The following ZNF568 variants were observed in gnomAD, a reference collection of about 807,000 sequenced individuals.
The protein encoded by ZNF568 is p53 inhibitor of SCO2 activation.
In ZNF568, 11 loss-of-function variants were observed where a neutral mutation model predicts 18.1. The observed-to-expected ratio is 0.61, with a 90% confidence interval of 0.38 to 1.00. ZNF568 has a LOEUF of 1.00. ZNF568 is among the 50% of genes least tolerant of loss of function. The pLI is 0.01. For synonymous variants in ZNF568, 213 were observed against 246.6 expected (o/e 0.86, Z 1.28); for missense variants, 639 against 768.2 (o/e 0.83, Z 1.99).
chr19:36,976,184 A>G (rs533659510), intron 7 of ZNF568: 3 of 152,260 alleles, frequency 2.0e-5, no homozygotes, highest in Admixed American at 6.5e-5. Flanking sequence ...GATGGTCACT[A>G]TTAATGTTTT....
chr19:36,983,576 C>G (rs1403468841), downstream of ZNF568, among the ~76,000 whole-genome samples: 1 of 152,064 alleles, frequency 6.6e-6, no homozygotes, highest in African/African-American at 2.4e-5. Flanking sequence ...GTGCATTGTT[C>G]TATATGCAGC....
At position 36,950,989 on chromosome 19, in the gene ZNF568, A is replaced by G. The variant is rs759019303; in HGVS notation, c.1836A>G (p.Lys612=). ...IIHMRSHTGE[K]PFECNECGKA... is the part of the protein sequence containing the mutation. ...ATATGAGAAGTCATACTGGTGAGAAACCCTTTGAATGTAATGAATGTGGGA... is the reference window on the plus strand; with the variant it reads ...ATATGAGAAGTCATACTGGTGAGAAGCCCTTTGAATGTAATGAATGTGGGA... The change falls in exon 7 of 7, where the codon AAA becomes AAG. Residue 612 remains lysine (K), a synonymous_variant. Coordinates refer to ENST00000333987, the MANE Select transcript of ZNF568 (RefSeq NM_198539.4). 43 of 1,613,450 alleles carry G rather than the reference A, an allele frequency of 2.7e-5. No individual in the cohort carries two copies. The highest frequency in any genetic ancestry group is 3.6e-5 in the Non-Finnish European group (42 of 1,179,820).
At chr19:36,968,858 GTTC>G (rs2074214813) in intron 6 of ZNF568, among the ~76,000 whole-genome samples, 1 of 133,004 alleles carries the variant, frequency 7.5e-6, no homozygotes, top group Non-Finnish European at 1.6e-5. Context: ...GCATGAATGA[GTTC>G]TTTTTTTTTT....
chr19:36,918,154 G>T (rs1468888671), intron 2 of ZNF568, among the ~76,000 whole-genome samples: 2 of 152,102 alleles, frequency 1.3e-5, no homozygotes, highest in African/African-American at 4.8e-5. Flanking sequence ...CACCATGTTA[G>T]CCACCATGGT....
At position 36,950,459 on chromosome 19, in the gene ZNF568, C is replaced by CA; in HGVS notation, c.1307dup (p.His436GlnfsTer8). On this transcript the variant is annotated frameshift_variant, in exon 7 of 7. Transcript: ENST00000333987. LOFTEE classifies it low-confidence loss of function (END_TRUNC). ...CTCTCAGAGTTCATCCCTAACCGTA[C>CA]ATATGCGAAATCATACAGCTGAGAA... 4 of 1,613,224 alleles carry CA rather than the reference C, an allele frequency of 2.5e-6. No homozygotes were observed. Among genetic ancestry groups the CA allele is most frequent in the Non-Finnish European group, 3.4e-6 (4 of 1,179,424 alleles).
At chr19:36,927,893 ATATATATATATTTTTTTTTTTTTTT>A (rs1568381551) in intron 4 of ZNF568, among the ~76,000 whole-genome samples, 17 of 25,324 alleles carry the variant, frequency 6.7e-4, no homozygotes, top group African/African-American at 3.7e-3. Flanking sequence ...TATATTATAT[ATATATATATATTTTTTTTTTTTTTT>A]TTTTTTTTTT....
chr19:36,958,061 T>C (rs943793922), intron 6 of ZNF568, among the ~76,000 whole-genome samples: 5 of 152,216 alleles, frequency 3.3e-5, no homozygotes, highest in African/African-American at 9.6e-5. Context: ...AGCCTCTTGA[T>C]GTTATGAATG....
At chr19:36,978,175 AT>A (rs1167371886) in intron 7 of ZNF568, among the ~76,000 whole-genome samples, 1 of 152,240 alleles carries the variant, frequency 6.6e-6, no homozygotes, top group Non-Finnish European at 1.5e-5. Flanking sequence ...TACTTTCAGG[AT>A]AAATCTCCAA....
rs2074470080 is a variant in ZNF568 at position 36,996,243 on chromosome 19, A to C, written c.230-74A>C. ...GCTTATTAACTATTTTTATTTTGTC[A>C]TTTCTACTTTCAGGACTTTTCTTTG... On this transcript the variant is annotated intron_variant, in intron 4 of 4. Transcript: ENST00000433993. 1.9e-5 allele frequency: 22 copies of C among 1,151,068 alleles called. 1 individual carries two copies. The South Asian group carries it at 3.6e-4, about 19-fold the overall frequency. The allele number at this position is 1,151,068 out of a possible 1,614,324, so 71.3% of individuals were successfully genotyped here.
intron 6 of ZNF568, among the ~76,000 whole-genome samples, chr19:36,962,342 T>C (rs1050612875): frequency 1.4e-5 from 2 of 147,426 alleles, no homozygotes; most frequent in Admixed American, 1.4e-4. Context: ...CTTTCTTTTT[T>C]TTTTTTTTTC....
chr19:36,967,256 T>C (rs1447562428), intron 6 of ZNF568, among the ~76,000 whole-genome samples: 1 of 152,168 alleles, frequency 6.6e-6, no homozygotes, highest in Non-Finnish European at 1.5e-5. Context: ...TAATTCTTTA[T>C]ATTATAATTC....
intron 7 of ZNF568, chr19:36,978,864 T>C (rs937881023): frequency 4.0e-5 from 9 of 225,914 alleles, no homozygotes; most frequent in Non-Finnish European, 7.2e-5. Flanking sequence ...CCCCTTTCTC[T>C]GGGTTCTACT....
At chr19:36,961,865 T>C (rs1047538558) in intron 6 of ZNF568, among the ~76,000 whole-genome samples, 4 of 138,800 alleles carry the variant, frequency 2.9e-5, no homozygotes, top group Non-Finnish European at 6.1e-5. Flanking sequence ...TATCATATTG[T>C]TAATTGGTTA....
At chr19:36,942,201 C>T (rs1389160735) in intron 6 of ZNF568, among the ~76,000 whole-genome samples, 1 of 151,346 alleles carries the variant, frequency 6.6e-6, no homozygotes, top group Non-Finnish European at 1.5e-5. Flanking sequence ...AGGCTAGTCT[C>T]GAACTCCTGA....
chr19:36,978,527 TA>T, intron 7 of ZNF568, among the ~76,000 whole-genome samples: 1 of 152,286 alleles, frequency 6.6e-6, no homozygotes, highest in East Asian at 1.9e-4. Context: ...GTTCCTTTTC[TA>T]AGTCCCAGTT....
intron 7 of ZNF568, among the ~76,000 whole-genome samples, chr19:36,974,821 T>G (rs924056032): frequency 7.3e-6 from 1 of 137,064 alleles, no homozygotes; most frequent in South Asian, 2.3e-4. Context: ...CCTTTTTGCT[T>G]ACCAATTTTT....
chr19:36,975,152 C>CTTTCTT lies in ZNF568; in HGVS notation c.405+689_405+690insCTTTTT, dbSNP rs1555738274. On this transcript the variant is annotated intron_variant, in intron 7 of 7. Transcript: ENST00000427117. ...CGCTTATCAATTTCTTTCTTTCTTT[C>CTTTCTT]TTTTTTTTTTTTTTGAGACCGAGTT... Among the ~76,000 whole-genome samples the CTTTCTT allele has an allele frequency of 4.0e-3, 510 of 126,546 alleles. 7 individuals are homozygous for CTTTCTT. Among genetic ancestry groups the CTTTCTT allele is most frequent in the African/African-American group, 0.012 (399 of 33,376 alleles). The allele number at this position is 126,546 out of a possible 152,430, so 83.0% of individuals were successfully genotyped here. A position where few individuals can be genotyped will look rare whatever the true frequency, so the allele number is the denominator to read the frequency against.
chr19:36,919,253 A>G (rs766386090), intron 2 of ZNF568, among the ~76,000 whole-genome samples: 10 of 152,168 alleles, frequency 6.6e-5, no homozygotes, highest in Non-Finnish European at 1.3e-4. Flanking sequence ...ACAGACAAAA[A>G]TAAGTCCTTG....
At chr19:36,982,205 T>C (rs963027450), downstream of ZNF568, among the ~76,000 whole-genome samples, 5 of 152,182 alleles carry the variant, frequency 3.3e-5, no homozygotes, top group Admixed American at 3.3e-4. Context: ...TGGCTCCACC[T>C]CCCAGAACAG....
Sources: gnomAD v4.1 joint callset for allele counts (sites outside exome capture counted in the v4.1 genomes callset) on GRCh38, gnomAD v4.1.1 for gene constraint, MANE v1.5 for transcripts, NCBI Gene and HGNC (gene_info 2026-07-23, HGNC 2026-07-21) for gene names.